The following GMDS variants were observed in gnomAD, a reference collection of about 807,000 sequenced individuals.
The protein encoded by GMDS is GDP-mannose 4,6-dehydratase.
In GMDS, 20 loss-of-function variants were observed where a neutral mutation model predicts 49.9. That is an observed-to-expected ratio of 0.40 (90% CI 0.28 to 0.58). The LOEUF is 0.58. Among genes scored for constraint, GMDS ranks in the 20% least tolerant of loss-of-function variants. The pLI, the probability that GMDS is intolerant of heterozygous loss-of-function variation, is 0.42. For synonymous variants in GMDS, 177 were observed against 178.6 expected, an observed-to-expected ratio of 0.99 and a Z score of 0.07; for missense variants, 362 against 481.4, an observed-to-expected ratio of 0.75 and a Z score of 2.32.
intron 1 of GMDS, among the ~76,000 whole-genome samples, chr6:2,244,041 T>A (rs1006949481): frequency 4.6e-5 from 7 of 151,806 alleles, no homozygotes; most frequent in African/African-American, 1.7e-4. Flanking sequence ...TTTTTAAATT[T>A]TTTTGTAGAG....
intron 4 of GMDS, among the ~76,000 whole-genome samples, chr6:1,976,150 T>C (rs939834877): frequency 4.6e-5 from 7 of 152,192 alleles, no homozygotes; most frequent in African/African-American, 1.4e-4. Flanking sequence ...ATAGAGATCA[T>C]AGATCAGCCC....
intron 9 of GMDS, among the ~76,000 whole-genome samples, chr6:1,704,905 C>T (rs1196196399): frequency 6.6e-6 from 1 of 152,070 alleles, no homozygotes; most frequent in Non-Finnish European, 1.5e-5. Context: ...ACTTGTTCTT[C>T]CTAAAAAGTA....
At chr6:1,658,980 T>C (rs1449081784) in intron 9 of GMDS, among the ~76,000 whole-genome samples, 2 of 152,158 alleles carry the variant, frequency 1.3e-5, no homozygotes, top group South Asian at 4.1e-4. Context: ...GGTTTGAGTT[T>C]AATAGGAAAA....
chr6:1,695,700 C>T (rs887994054), intron 9 of GMDS, among the ~76,000 whole-genome samples: 11 of 152,130 alleles, frequency 7.2e-5, no homozygotes, highest in Admixed American at 2.6e-4. Context: ...CCCTGCAAGG[C>T]CCCTGTGTGC....
chr6:1,629,302 C>G (rs1239522148), intron 9 of GMDS, among the ~76,000 whole-genome samples: 1 of 152,196 alleles, frequency 6.6e-6, no homozygotes, highest in Non-Finnish European at 1.5e-5. Flanking sequence ...ATGAACATTT[C>G]CCCTCTGTTC....
At chr6:2,179,379 A>G (rs1367403700) in intron 1 of GMDS, among the ~76,000 whole-genome samples, 1 of 152,218 alleles carries the variant, frequency 6.6e-6, no homozygotes, top group African/African-American at 2.4e-5. Context: ...GCCCCAAATC[A>G]TGTGTTAAAA....
chr6:1,674,136 C>G (rs1316792961), intron 9 of GMDS, among the ~76,000 whole-genome samples: 1 of 140,244 alleles, frequency 7.1e-6, no homozygotes, highest in Non-Finnish European at 1.6e-5. Flanking sequence ...TTTTGCATTC[C>G]CACTAGCAAT....
intron 1 of GMDS, 68 bp downstream of exon 1, chr6:2,245,252 TA>T: frequency 9.4e-7 from 1 of 1,061,394 alleles, no homozygotes; most frequent in East Asian, 2.7e-5. Flanking sequence ...AGCCCACGAG[TA>T]GCGGCGCGTA....
chr6:1,915,199 A>G (rs1161886023), intron 7 of GMDS, among the ~76,000 whole-genome samples: 3 of 152,214 alleles, frequency 2.0e-5, no homozygotes, highest in Admixed American at 2.0e-4. Context: ...ACTGAGTTCA[A>G]TCTCAGGCAG....
At chr6:1,999,681 T>C (rs985106218) in intron 4 of GMDS, among the ~76,000 whole-genome samples, 7 of 149,968 alleles carry the variant, frequency 4.7e-5, no homozygotes, top group Non-Finnish European at 1.5e-5. Context: ...AATGAGAACA[T>C]AAATTTTAAA....
chr6:2,169,932 G>A (rs143999007), intron 1 of GMDS, among the ~76,000 whole-genome samples: 177 of 152,276 alleles, frequency 1.2e-3, no homozygotes, highest in African/African-American at 3.5e-3. Flanking sequence ...GGCTGGGCGC[G>A]GTGGCTCACG....
At chr6:1,871,978 A>G (rs1162264040) in intron 7 of GMDS, among the ~76,000 whole-genome samples, 2 of 152,248 alleles carry the variant, frequency 1.3e-5, no homozygotes, top group East Asian at 3.8e-4. Context: ...CAGATTATTT[A>G]TTAGGCAAGA....
intron 1 of GMDS, among the ~76,000 whole-genome samples, chr6:2,181,239 G>A (rs1401042499): frequency 6.7e-6 from 1 of 149,112 alleles, no homozygotes; most frequent in Non-Finnish European, 1.5e-5. Context: ...TCATTAAAAA[G>A]GTACACAGCA....
intron 9 of GMDS, among the ~76,000 whole-genome samples, chr6:1,706,232 C>T (rs1765731438): frequency 3.3e-5 from 5 of 152,164 alleles, no homozygotes; most frequent in Non-Finnish European, 7.3e-5. Flanking sequence ...CTGGCACCAT[C>T]GCGGCACAGC....
chr6:1,944,992 T>C (rs1427017223), intron 6 of GMDS, among the ~76,000 whole-genome samples: 1 of 152,188 alleles, frequency 6.6e-6, no homozygotes, highest in Non-Finnish European at 1.5e-5. Flanking sequence ...ATAAGTAACA[T>C]TGCCTCCTCT....
chr6:1,793,391 AT>A lies in GMDS; in HGVS notation c.772-50806del, dbSNP rs558372238. Among the ~76,000 whole-genome samples the A allele has an allele frequency of 3.3e-5, 5 of 152,368 alleles. No homozygotes were observed. The South Asian group carries it at 1.0e-3, about 32-fold the overall frequency. On this transcript the variant is annotated intron_variant, in intron 7 of 10. Transcript: ENST00000380815. ...GTTTACAAGAAATTCAGATAAACTT[AT>A]AAATTCCATTTCCCCTTAAAGTAGG...
In GMDS at chr6:2,193,792, C is replaced by T. The variant is rs185701374; in HGVS notation, c.102+51529G>A. Among the ~76,000 whole-genome samples the T allele has an allele frequency of 9.4e-4, 133 of 141,152 alleles. 1 individual carries two copies. In the East Asian group the frequency reaches 0.017, roughly 18 times the overall value. 92.6% of individuals were successfully genotyped at this position (141,152 alleles called of 152,430 possible). A position where few individuals can be genotyped will look rare whatever the true frequency, so the allele number is the denominator to read the frequency against. On this transcript the variant is annotated intron_variant, in intron 1 of 10. Coordinates refer to ENST00000380815, the MANE Select transcript of GMDS (RefSeq NM_001500.4). Reference sequence around the variant, plus strand: ...AGGCTGGAGTGCAGTGGCGCGATCTCGGCTCACTGCAAGCTCTACCTCCCA... The same window carrying T: ...AGGCTGGAGTGCAGTGGCGCGATCTTGGCTCACTGCAAGCTCTACCTCCCA...
chr6:2,208,223 CA>C (rs774276064), intron 1 of GMDS, among the ~76,000 whole-genome samples: 2 of 152,188 alleles, frequency 1.3e-5, no homozygotes, highest in African/African-American at 2.4e-5. Context: ...CTTCTACCCT[CA>C]AGTTTACGCC....
At chr6:1,987,570 T>C (rs1285565993) in intron 4 of GMDS, among the ~76,000 whole-genome samples, 1 of 152,210 alleles carries the variant, frequency 6.6e-6, no homozygotes, top group African/African-American at 2.4e-5. Context: ...TTTTAGAGCT[T>C]ACATTCTAGT....
Sources: gnomAD v4.1 joint callset for allele counts (sites outside exome capture counted in the v4.1 genomes callset) on GRCh38, gnomAD v4.1.1 for gene constraint, MANE v1.5 for transcripts, NCBI Gene and HGNC (gene_info 2026-07-23, HGNC 2026-07-21) for gene names.